Variants in PRKAR2A observed in about 807,000 individuals in gnomAD.
The protein encoded by PRKAR2A is cAMP-dependent protein kinase type II-alpha regulatory subunit.
In PRKAR2A, 29 loss-of-function variants were observed where a neutral mutation model predicts 51.9. The observed-to-expected ratio is 0.56, with a 90% CI of 0.42 to 0.76. PRKAR2A has a LOEUF of 0.76. Among genes scored for constraint, PRKAR2A ranks in the 30% least tolerant of loss-of-function variants. The pLI, the probability that PRKAR2A is intolerant of heterozygous loss-of-function variation, is 0.00. For missense variants in PRKAR2A, 445 were observed against 512.1 expected, an observed-to-expected ratio of 0.87 and a Z score of 1.26; for synonymous variants, 178 against 186.2, an observed-to-expected ratio of 0.96 and a Z score of 0.36.
chr3:48,773,334 CT>C lies in PRKAR2A; in HGVS notation c.543-227del, dbSNP rs2082056858. 4.1e-5 allele frequency among the ~76,000 whole-genome samples: 5 copies of C among 121,022 alleles called. 1 individual carries two copies. The highest frequency in any genetic ancestry group is 5.1e-5 in the Non-Finnish European group (3 of 58,728). The allele number at this position is 121,022 out of a possible 152,430, so 79.4% of individuals were successfully genotyped here. ...CTTTTTGTGGCATTCTTGGAATTTTCTTTTCTTTTTTTTTTTTTTTTTTTTT... is the reference window on the plus strand; with the variant it reads ...CTTTTTGTGGCATTCTTGGAATTTTCTTTCTTTTTTTTTTTTTTTTTTTTT... On this transcript the variant is annotated intron_variant, in intron 5 of 10. Coordinates refer to ENST00000265563, the MANE Select transcript of PRKAR2A (RefSeq NM_004157.4).
intron 1 of PRKAR2A, among the ~76,000 whole-genome samples, chr3:48,844,518 C>T (rs62261508): frequency 2.0e-5 from 3 of 148,542 alleles, no homozygotes; most frequent in East Asian, 1.9e-4. Flanking sequence ...AATCATGCTG[C>T]TATAAAGGCA....
chr3:48,840,243 ACTTT>A (rs1425946018), intron 1 of PRKAR2A, among the ~76,000 whole-genome samples: 6 of 152,066 alleles, frequency 3.9e-5, no homozygotes, highest in African/African-American at 1.4e-4. Context: ...TAATCCCATC[ACTTT>A]GGGAAGTCGA....
intron 4 of PRKAR2A, among the ~76,000 whole-genome samples, chr3:48,784,744 G>C (rs1263445802): frequency 6.6e-6 from 1 of 152,142 alleles, no homozygotes; most frequent in African/African-American, 2.4e-5. Context: ...TGGTTGATAG[G>C]TTCTTGAAAA....
intron 4 of PRKAR2A, 102 bp downstream of exon 4, chr3:48,790,442 A>T: frequency 1.4e-6 from 1 of 707,586 alleles, no homozygotes; most frequent in Non-Finnish European, 2.2e-6. Flanking sequence ...TTTTATGCTT[A>T]ACACGGCTGT....
intron 4 of PRKAR2A, among the ~76,000 whole-genome samples, chr3:48,785,085 GA>G (rs2082265861): frequency 7.2e-6 from 1 of 139,034 alleles, no homozygotes; most frequent in Admixed American, 8.4e-5. Flanking sequence ...GTTAACATAG[GA>G]AAATATTCTT....
chr3:48,765,377 T>A (rs552496552), intron 6 of PRKAR2A, 28 bp from the exon 7 acceptor site: 1 of 1,470,930 alleles, frequency 6.8e-7, no homozygotes, highest in East Asian at 2.3e-5. Flanking sequence ...AAAATTCTAG[T>A]AAATGCCTAT....
At chr3:48,804,000 C>T (rs1250225267) in intron 2 of PRKAR2A, among the ~76,000 whole-genome samples, 1 of 151,972 alleles carries the variant, frequency 6.6e-6, no homozygotes, top group Non-Finnish European at 1.5e-5. Context: ...GAGAATATAG[C>T]ATGATTGCTG....
chr3:48,781,893 G>A (rs2082202601), intron 5 of PRKAR2A, among the ~76,000 whole-genome samples: 1 of 152,126 alleles, frequency 6.6e-6, no homozygotes, highest in African/African-American at 2.4e-5. Context: ...AGATCCACCT[G>A]CCTCGGCCTC....
intron 5 of PRKAR2A, among the ~76,000 whole-genome samples, chr3:48,774,539 A>G (rs2082077848): frequency 6.6e-6 from 1 of 152,080 alleles, no homozygotes; most frequent in African/African-American, 2.4e-5. Flanking sequence ...TATTTCTTCT[A>G]TCTAACTGTG....
intron 2 of PRKAR2A, among the ~76,000 whole-genome samples, chr3:48,805,027 T>A (rs1015936386): frequency 6.6e-6 from 1 of 152,044 alleles, no homozygotes; most frequent in Non-Finnish European, 1.5e-5. Context: ...TCTTCTTAAC[T>A]CAGCCTCCTG....
At position 48,847,373 on chromosome 3, in the gene PRKAR2A, T is replaced by G; in HGVS notation, c.224A>C (p.Lys75Thr). 1 of 1,613,266 alleles carries G rather than the reference T, an allele frequency of 6.2e-7. No individual in the cohort carries two copies. The change falls in exon 1 of 11, where the codon AAA (lysine) becomes ACA (threonine). Residue 75 changes from lysine (K) to threonine (T), a missense_variant. Lys to Thr is a moderately conservative substitution (Grantham distance 78). Transcript: ENST00000265563. This position sits in a 1 kb window ranked among gnomAD's most constrained non-coding sequence, Gnocchi z 4.4. The stretch of plus-strand genomic sequence containing the variant: ...GTCCTCCTCCGACTCGCTGTCCCCT[T>G]TGGCGTCGGCGACACGGTCCGGGCC... ...EPGPDRVADA[K>T]GDSESEEDED...
At chr3:48,846,214 T>C (rs1263421165) in intron 1 of PRKAR2A, among the ~76,000 whole-genome samples, 2 of 82,932 alleles carry the variant, frequency 2.4e-5, no homozygotes, top group African/African-American at 1.3e-4. Flanking sequence ...GGGTTTTTCC[T>C]TTTTCTTTTT....
chr3:48,759,813 A>G (rs571608240), intron 8 of PRKAR2A, among the ~76,000 whole-genome samples: 79 of 152,348 alleles, frequency 5.2e-4, no homozygotes, highest in Non-Finnish European at 9.8e-4. Flanking sequence ...TGAACATGTC[A>G]TCAGGTTCTT....
At chr3:48,787,481 C>A (rs941522470) in intron 4 of PRKAR2A, among the ~76,000 whole-genome samples, 1 of 152,096 alleles carries the variant, frequency 6.6e-6, no homozygotes, top group Non-Finnish European at 1.5e-5. Context: ...CCACCGTGCC[C>A]GTCCAAGTTA....
intron 4 of PRKAR2A, among the ~76,000 whole-genome samples, chr3:48,789,562 C>A (rs1418984671): frequency 1.3e-5 from 2 of 150,606 alleles, no homozygotes; most frequent in Non-Finnish European, 2.9e-5. Context: ...GCGATCTCAG[C>A]TCACTGCAAC....
rs2081596628 is a variant in PRKAR2A, at chr3:48,748,518, A to C, written c.*3067T>G. ...AGGGGTGTCAAGGAGGACTCTGTGA[A>C]GGCAAAGACTAGACTGGGATGTGTG... On this transcript the variant is annotated 3_prime_UTR_variant, in exon 11 of 11. Coordinates refer to ENST00000265563, the MANE Select transcript of PRKAR2A (RefSeq NM_004157.4). The C allele has an allele frequency of 6.6e-6, 1 of 152,202 alleles. No homozygotes were observed. 9.4% of individuals were successfully genotyped at this position (152,202 alleles called of 1,614,324 possible). A position where few individuals can be genotyped will look rare whatever the true frequency, so the allele number is the denominator to read the frequency against.
intron 2 of PRKAR2A, among the ~76,000 whole-genome samples, chr3:48,803,644 T>G (rs2082625503): frequency 1.3e-5 from 2 of 152,154 alleles, no homozygotes; most frequent in East Asian, 1.9e-4. Context: ...CAGTCTGCTC[T>G]CAAACTCCTG....
At chr3:48,837,697 C>T (rs527831800) in intron 1 of PRKAR2A, among the ~76,000 whole-genome samples, 1 of 150,470 alleles carries the variant, frequency 6.6e-6, no homozygotes, top group African/African-American at 2.4e-5. Flanking sequence ...TGTCCATCAA[C>T]ATATGAATGG....
chr3:48,837,162 G>GA (rs879822390), intron 1 of PRKAR2A, among the ~76,000 whole-genome samples: 47 of 149,770 alleles, frequency 3.1e-4, no homozygotes, highest in Non-Finnish European at 3.4e-4. Flanking sequence ...AGCCAGGTAT[G>GA]AAAAAAAAAA....
Sources: allele counts gnomAD v4.1 joint callset (sites outside exome capture counted in the v4.1 genomes callset), GRCh38; gene constraint gnomAD v4.1.1; non-coding constraint Gnocchi (gnomAD v3.1); transcripts MANE v1.5; gene names NCBI Gene and HGNC (gene_info 2026-07-23, HGNC 2026-07-21).